The following CYP2J2 variants were observed in gnomAD, a reference collection of about 807,000 sequenced individuals.
The protein encoded by CYP2J2 is cytochrome P450 family 2 subfamily J member 2.
CYP2J2 carries 41 observed loss-of-function variants against 48.8 expected under a neutral mutation model. That is an observed-to-expected ratio of 0.84 (90% confidence interval 0.66 to 1.09). The LOEUF (loss-of-function observed/expected upper bound fraction) is 1.09, where lower values mean the gene tolerates loss of function less well. Among genes scored for constraint, CYP2J2 ranks in the 50% least tolerant of loss-of-function variants. CYP2J2 has a pLI of 0.00. For missense variants in CYP2J2, 644 were observed against 617.3 expected (o/e 1.04, Z -0.46); for synonymous variants, 221 against 227.1 (o/e 0.97, Z 0.24).
chr1:59,945,170 A>AT, the CYP2J2 span, among the ~76,000 whole-genome samples: 1 of 152,128 alleles, frequency 6.6e-6, no homozygotes, highest in African/African-American at 2.4e-5. Flanking sequence ...TAAGAACAGC[A>AT]TTTTTACTGC....
At chr1:59,909,983 T>A in intron 4 of CYP2J2, 23 bp from the exon 5 acceptor site, 2 of 1,576,172 alleles carry the variant, frequency 1.3e-6, no homozygotes, top group South Asian at 2.3e-5. Flanking sequence ...AACAAAACAA[T>A]CATGCAGATA....
chr1:59,955,283 TATATATATCCATATATATATATCC>T, the CYP2J2 span, among the ~76,000 whole-genome samples: 198 of 107,448 alleles, frequency 1.8e-3, 2 homozygotes, highest in African/African-American at 9.5e-3. Flanking sequence ...TATATCCATA[TATATATATCCATATATATATATCC>T]ATATATATCC....
chr1:59,911,167 A>G (rs1164592922), intron 4 of CYP2J2, among the ~76,000 whole-genome samples: 4 of 152,210 alleles, frequency 2.6e-5, no homozygotes, highest in Non-Finnish European at 5.9e-5. Context: ...ATACAATGAA[A>G]TACTAATCTG....
intron 4 of CYP2J2, among the ~76,000 whole-genome samples, chr1:59,910,949 T>C (rs1310899932): frequency 6.6e-6 from 1 of 152,180 alleles, no homozygotes; most frequent in Non-Finnish European, 1.5e-5. Context: ...ATTGATGATA[T>C]TAAGTGCTGG....
upstream of CYP2J2, among the ~76,000 whole-genome samples, chr1:59,927,895 T>G (rs1574265817): frequency 6.6e-6 from 1 of 152,188 alleles, no homozygotes; most frequent in Non-Finnish European, 1.5e-5. Flanking sequence ...CTTGTTCTCT[T>G]TCTAAGGTCC....
intron 2 of CYP2J2, among the ~76,000 whole-genome samples, chr1:59,915,142 C>T (rs1644453473): frequency 6.6e-6 from 1 of 152,210 alleles, no homozygotes; most frequent in African/African-American, 2.4e-5. Context: ...TATCACTCTG[C>T]TCTCCTGCCG....
chr1:59,907,295 G>A (rs1644372905), intron 6 of CYP2J2, among the ~76,000 whole-genome samples: 1 of 152,150 alleles, frequency 6.6e-6, no homozygotes, highest in Admixed American at 6.6e-5. Context: ...ACGACATAGA[G>A]GCATAAATAT....
chr1:59,934,538 G>A, the CYP2J2 span, among the ~76,000 whole-genome samples: 1 of 152,024 alleles, frequency 6.6e-6, no homozygotes, highest in Non-Finnish European at 1.5e-5. Flanking sequence ...GATTTTAAAT[G>A]GGCAAATGAC....
rs765910127 is a variant in CYP2J2 at position 59,909,769 on chromosome 1, CT to C, written c.861+14del. 19 of 1,560,474 alleles carry C rather than the reference CT, an allele frequency of 1.2e-5. No homozygotes were observed. Among genetic ancestry groups the C allele is most frequent in the Admixed American group, 2.1e-5 (1 of 47,016 alleles). On this transcript the variant is annotated intron_variant, in intron 5 of 8. Coordinates refer to ENST00000371204, the MANE Select transcript of CYP2J2 (RefSeq NM_000775.4). ...GCTCTAAGAACAAAATACAAAATGA[CT>C]TTGGTTTTCTCACCTTTGACATTTC...
the CYP2J2 span, among the ~76,000 whole-genome samples, chr1:59,951,719 G>T: frequency 1.3e-5 from 2 of 152,142 alleles, no homozygotes; most frequent in South Asian, 2.1e-4. Flanking sequence ...AGCTCTGAGG[G>T]TCTTAATCCC....
At chr1:59,935,011 T>C in the CYP2J2 span, among the ~76,000 whole-genome samples, 6 of 39,792 alleles carry the variant, frequency 1.5e-4, no homozygotes, top group Non-Finnish European at 4.4e-5. Context: ...TATATATATA[T>C]ATACATATAT....
intron 1 of CYP2J2, among the ~76,000 whole-genome samples, chr1:59,918,039 G>C (rs1644482115): frequency 6.6e-6 from 1 of 152,154 alleles, no homozygotes; most frequent in African/African-American, 2.4e-5. Context: ...TTGGCCCAGA[G>C]TCCTCCATCA....
chr1:59,957,201 G>C, the CYP2J2 span, among the ~76,000 whole-genome samples: 1 of 152,168 alleles, frequency 6.6e-6, no homozygotes. Flanking sequence ...GCTCACAGAG[G>C]GAAAGGGGAT....
chr1:59,910,307 G>T (rs1644401490), intron 4 of CYP2J2, among the ~76,000 whole-genome samples: 1 of 152,098 alleles, frequency 6.6e-6, no homozygotes, highest in Admixed American at 6.5e-5. Context: ...TTGTTAAAAT[G>T]GGTCTTTTTA....
At chr1:59,936,765 G>T in the CYP2J2 span, among the ~76,000 whole-genome samples, 3 of 152,144 alleles carry the variant, frequency 2.0e-5, no homozygotes, top group African/African-American at 7.2e-5. Flanking sequence ...CCACGACATG[G>T]GATCAGATAT....
the CYP2J2 span, among the ~76,000 whole-genome samples, chr1:59,965,836 G>C: frequency 6.6e-6 from 1 of 152,080 alleles, no homozygotes; most frequent in African/African-American, 2.4e-5. Flanking sequence ...ATTTCTAGTA[G>C]AGACGGGGCT....
the CYP2J2 span, among the ~76,000 whole-genome samples, chr1:59,947,080 G>A: frequency 9.9e-5 from 15 of 152,284 alleles, 1 homozygote; most frequent in South Asian, 2.5e-3. Context: ...TCAGACTCAT[G>A]CAGTCTCCTG....
chr1:59,918,727 TGA>T (rs917566344), intron 1 of CYP2J2, among the ~76,000 whole-genome samples: 3 of 150,194 alleles, frequency 2.0e-5, no homozygotes, highest in Non-Finnish European at 3.0e-5. Context: ...AGATGCCTTT[TGA>T]AAGGCAAAAA....
chr1:59,943,164 T>G, the CYP2J2 span, among the ~76,000 whole-genome samples: 1 of 152,134 alleles, frequency 6.6e-6, no homozygotes, highest in Non-Finnish European at 1.5e-5. Context: ...GTCTGATGAT[T>G]TAGGAAGAAG....
Sources: gnomAD v4.1 joint callset for allele counts (sites outside exome capture counted in the v4.1 genomes callset) on GRCh38, gnomAD v4.1.1 for gene constraint, MANE v1.5 for transcripts, NCBI Gene and HGNC (gene_info 2026-07-23, HGNC 2026-07-21) for gene names.